The following SGCD variants were observed in gnomAD, a reference collection of about 807,000 sequenced individuals.
SGCD encodes sarcoglycan delta, also known as delta-sarcoglycan.
SGCD carries 18 observed loss-of-function variants against 36.6 expected under a neutral mutation model. The observed-to-expected ratio is 0.49, with a 90% CI of 0.34 to 0.73. The LOEUF is 0.73. Ranked by LOEUF, SGCD falls within the 30% of genes least tolerant of loss-of-function variation. SGCD has a pLI of 0.01. For missense variants in SGCD, 387 were observed against 346.7 expected (o/e 1.12, Z -0.92); for synonymous variants, 133 against 130.6 (o/e 1.02, Z -0.12).
At chr5:156,323,219 A>C (rs1214239062), upstream of SGCD, among the ~76,000 whole-genome samples, 2 of 152,170 alleles carry the variant, frequency 1.3e-5, no homozygotes, top group Admixed American at 6.5e-5. Flanking sequence ...CAATAGAAGT[A>C]TAGCTTCTGA....
At chr5:155,744,820 C>G in the SGCD span, among the ~76,000 whole-genome samples, 204 of 152,228 alleles carry the variant, frequency 1.3e-3, 1 homozygote, top group Non-Finnish European at 2.1e-4. Context: ...AAAAGAGGTA[C>G]AACATTTGAT....
At position 156,213,793 on chromosome 5, in the gene SGCD, G is replaced by A. The variant is rs113108234; in HGVS notation, c.-44+89774G>A. Among the ~76,000 whole-genome samples the A allele has an allele frequency of 1.1e-3, 169 of 151,968 alleles. 1 individual carries two copies. In the Middle Eastern group the frequency reaches 0.017, roughly 15 times the overall value. On this transcript the variant is annotated intron_variant, in intron 3 of 9. Transcript: ENST00000517913. The stretch of plus-strand genomic sequence containing the variant: ...TGTGATCAATTGGGATTTATATCTG[G>A]GATTTAAGCATTTTTCAACATACAG...
At chr5:156,558,721 T>C (rs745530642) in intron 4 of SGCD, among the ~76,000 whole-genome samples, 12 of 152,126 alleles carry the variant, frequency 7.9e-5, no homozygotes, top group Admixed American at 2.6e-4. Flanking sequence ...ATTTTTATAA[T>C]GAGAGAGGAA....
chr5:156,078,910 TAGCCAA>T (rs1333901483), intron 1 of SGCD, among the ~76,000 whole-genome samples: 2 of 150,530 alleles, frequency 1.3e-5, no homozygotes, highest in African/African-American at 4.9e-5. Context: ...ATCACCACCA[TAGCCAA>T]AATACTAAAC....
At chr5:155,761,415 TCCTCTCTATCACC>T in the SGCD span, among the ~76,000 whole-genome samples, 1 of 116,630 alleles carries the variant, frequency 8.6e-6, no homozygotes, top group East Asian at 2.9e-4. Context: ...CTCTCCATCA[TCCTCTCTATCACC>T]CTCTCCATCA....
chr5:155,753,334 T>TCAAAAAAAAAAAAAAAAAAAAAAAAAA, the SGCD span, among the ~76,000 whole-genome samples: 3 of 135,830 alleles, frequency 2.2e-5, no homozygotes, highest in African/African-American at 1.1e-4. Context: ...AGACTTTGTC[T>TCAAAAAAAAAAAAAAAAAAAAAAAAAA]AAAAAAAAAA....
At chr5:156,617,745 C>T (rs1473343507) in intron 6 of SGCD, among the ~76,000 whole-genome samples, 2 of 152,142 alleles carry the variant, frequency 1.3e-5, no homozygotes, top group African/African-American at 2.4e-5. Context: ...ACCCAGCCAC[C>T]CAGCCCATTT....
At chr5:155,926,190 A>G (rs936714556) in intron 1 of SGCD, among the ~76,000 whole-genome samples, 2 of 152,204 alleles carry the variant, frequency 1.3e-5, no homozygotes, top group Non-Finnish European at 2.9e-5. Flanking sequence ...ATCCTGAGGT[A>G]CTGTATGGAT....
At chr5:155,912,086 C>T (rs1756641918) in intron 1 of SGCD, among the ~76,000 whole-genome samples, 1 of 152,036 alleles carries the variant, frequency 6.6e-6, no homozygotes, top group Non-Finnish European at 1.5e-5. Flanking sequence ...GTCATTCACT[C>T]ATTCTCCACT....
intron 3 of SGCD, among the ~76,000 whole-genome samples, chr5:156,203,663 T>C (rs1336382829): frequency 6.6e-6 from 1 of 152,150 alleles, no homozygotes; most frequent in East Asian, 1.9e-4. Flanking sequence ...CAAAATAATT[T>C]ATAGACAGTT....
At chr5:156,693,991 G>T (rs146670703) in intron 7 of SGCD, among the ~76,000 whole-genome samples, 2 of 152,054 alleles carry the variant, frequency 1.3e-5, no homozygotes, top group Non-Finnish European at 2.9e-5. Context: ...ACAGTCAGGT[G>T]CCCTTTATCA....
At position 156,156,674 on chromosome 5, in the gene SGCD, C is replaced by T. The variant is rs990416644; in HGVS notation, c.-44+32655C>T. On this transcript the variant is annotated intron_variant, in intron 3 of 9. Coordinates refer to the SGCD transcript ENST00000517913. Reference sequence around the variant, plus strand: ...CGCAGCTGTACAGAACACCCCAAACCTATCGAATTAGAGATTCCAGGGGTG... The same window carrying T: ...CGCAGCTGTACAGAACACCCCAAACTTATCGAATTAGAGATTCCAGGGGTG... Among the ~76,000 whole-genome samples, 13 of 151,312 alleles carry T rather than the reference C, an allele frequency of 8.6e-5. 1 individual carries two copies. Among genetic ancestry groups the T allele is most frequent in the African/African-American group, 2.5e-4 (10 of 40,720 alleles).
At chr5:155,753,824 C>T in the SGCD span, among the ~76,000 whole-genome samples, 1 of 152,140 alleles carries the variant, frequency 6.6e-6, no homozygotes, top group African/African-American at 2.4e-5. Context: ...CATTGATATG[C>T]ATGTGCAATG....
At chr5:156,153,666 G>T (rs1762880411) in intron 3 of SGCD, among the ~76,000 whole-genome samples, 1 of 151,572 alleles carries the variant, frequency 6.6e-6, no homozygotes, top group South Asian at 2.1e-4. Flanking sequence ...CCCTCCTTGG[G>T]TGATTTTGTA....
At chr5:156,328,267 T>A (rs1767904953) in intron 1 of SGCD, among the ~76,000 whole-genome samples, 1 of 152,220 alleles carries the variant, frequency 6.6e-6, no homozygotes, top group Non-Finnish European at 1.5e-5. Context: ...AGAGACTGGT[T>A]CAGCCCAAAG....
intron 1 of SGCD, among the ~76,000 whole-genome samples, chr5:155,933,754 A>G (rs1757142781): frequency 6.6e-6 from 1 of 152,240 alleles, no homozygotes; most frequent in Non-Finnish European, 1.5e-5. Flanking sequence ...TTAAAATGGC[A>G]TCATGCCAAT....
chr5:156,156,626 GAAA>G lies in SGCD; in HGVS notation c.-44+32610_-44+32612del, dbSNP rs1005414342. Among the ~76,000 whole-genome samples, 4 of 151,306 alleles carry G rather than the reference GAAA, an allele frequency of 2.6e-5. 1 individual carries two copies. The highest frequency in any genetic ancestry group is 9.8e-5 in the African/African-American group (4 of 40,712). On this transcript the variant is annotated intron_variant, in intron 3 of 9. Transcript: ENST00000517913. The stretch of plus-strand genomic sequence containing the variant: ...GTGACAGAGTCAGACTCTGCCTCAA[GAAA>G]AATACCAAAAATGCACATACGCAGC...
At chr5:156,154,926 C>A (rs62380701) in intron 3 of SGCD, among the ~76,000 whole-genome samples, 1 of 151,560 alleles carries the variant, frequency 6.6e-6, no homozygotes, top group Non-Finnish European at 1.5e-5. Context: ...CTGCACATAG[C>A]TCAGTTCTTC....
At chr5:156,067,889 A>G (rs1224916846) in intron 1 of SGCD, among the ~76,000 whole-genome samples, 2 of 128,998 alleles carry the variant, frequency 1.6e-5, no homozygotes, top group African/African-American at 4.5e-5. Flanking sequence ...AAATGCAGAA[A>G]TCACCGTCTT....
Sources: gnomAD v4.1 joint callset for allele counts (sites outside exome capture counted in the v4.1 genomes callset) on GRCh38, gnomAD v4.1.1 for gene constraint, MANE v1.5 for transcripts, NCBI Gene and HGNC (gene_info 2026-07-23, HGNC 2026-07-21) for gene names.